The following ZNF385D variants were observed in gnomAD, a reference collection of about 807,000 sequenced individuals.
ZNF385D encodes the protein zinc finger protein 385D.
Under a neutral mutation model 35.8 loss-of-function variants are expected in ZNF385D, and 15 were observed. That is an observed-to-expected ratio of 0.42 (90% CI 0.28 to 0.64). ZNF385D has a LOEUF of 0.64. ZNF385D is among the 30% of genes least tolerant of loss of function. The pLI is 0.23. For missense variants in ZNF385D, 474 were observed against 494.6 expected, an observed-to-expected ratio of 0.96 and a Z score of 0.39; for synonymous variants, 212 against 186.8, an observed-to-expected ratio of 1.13 and a Z score of -1.10.
chr3:21,987,541 G>A (rs199621937), intron 3 of ZNF385D, among the ~76,000 whole-genome samples: 8,428 of 123,400 alleles, frequency 0.068, 249 homozygotes, highest in South Asian at 0.14. Flanking sequence ...GAGATCCACT[G>A]TTAGTCTGAT....
intron 2 of ZNF385D, among the ~76,000 whole-genome samples, chr3:22,271,385 A>C (rs886918650): frequency 6.6e-6 from 1 of 152,052 alleles, no homozygotes; most frequent in Non-Finnish European, 1.5e-5. Context: ...GTTGTCTAAT[A>C]CAAGATTTTT....
chr3:22,131,028 G>C lies in ZNF385D; in HGVS notation c.325+37789C>G, dbSNP rs572175956. ...GAGAATCATGCATGCTTAGAGAACA[G>C]TTAAATTTATGACATTCGGAGAAAA... is the stretch of plus-strand genomic sequence containing the variant. On this transcript the variant is annotated intron_variant, in intron 3 of 5. Coordinates refer to the ZNF385D transcript ENST00000494108. Among the ~76,000 whole-genome samples, 13 of 152,282 alleles carry C rather than the reference G, an allele frequency of 8.5e-5. No homozygotes were observed. In the South Asian group the frequency reaches 2.3e-3, roughly 27 times the overall value.
chr3:22,210,719 T>A (rs952915351), intron 2 of ZNF385D, among the ~76,000 whole-genome samples: 10 of 151,848 alleles, frequency 6.6e-5, no homozygotes, highest in Non-Finnish European at 1.3e-4. Context: ...ATCTCTCACC[T>A]ACTAGCAAAC....
At chr3:22,207,229 G>A (rs1431925671) in intron 2 of ZNF385D, among the ~76,000 whole-genome samples, 1 of 151,822 alleles carries the variant, frequency 6.6e-6, no homozygotes, top group Admixed American at 6.6e-5. Context: ...CATAAAAATA[G>A]ACACACAGAC....
At chr3:22,129,405 C>T (rs1295618123) in intron 3 of ZNF385D, among the ~76,000 whole-genome samples, 1 of 152,148 alleles carries the variant, frequency 6.6e-6, no homozygotes, top group Non-Finnish European at 1.5e-5. Context: ...TAAGTCTTTT[C>T]CTTCAGTGCA....
intron 3 of ZNF385D, among the ~76,000 whole-genome samples, chr3:22,143,211 T>G (rs949593776): frequency 1.3e-5 from 2 of 151,614 alleles, no homozygotes; most frequent in Admixed American, 1.3e-4. Flanking sequence ...GCCTCCGGAG[T>G]AGCAGCGACT....
intron 3 of ZNF385D, among the ~76,000 whole-genome samples, chr3:21,964,388 T>A (rs1470481683): frequency 8.2e-6 from 1 of 121,520 alleles, no homozygotes; most frequent in African/African-American, 3.1e-5. Flanking sequence ...TTGTAACTAC[T>A]GGCTCTACAG....
intron 3 of ZNF385D, among the ~76,000 whole-genome samples, chr3:22,044,983 A>T (rs984195482): frequency 6.6e-6 from 1 of 152,154 alleles, no homozygotes; most frequent in African/African-American, 2.4e-5. Context: ...ACTGCCCTCC[A>T]GCCTGGGCAA....
chr3:21,882,900 G>A (rs75430462), intron 3 of ZNF385D, among the ~76,000 whole-genome samples: 5,649 of 151,876 alleles, frequency 0.037, 132 homozygotes, highest in Middle Eastern at 0.062. Flanking sequence ...TTTAGATGAA[G>A]GTAAAAAGCA....
chr3:21,903,258 G>A (rs994459812), intron 3 of ZNF385D, among the ~76,000 whole-genome samples: 2 of 152,128 alleles, frequency 1.3e-5, no homozygotes, highest in Admixed American at 6.6e-5. Flanking sequence ...ATTTCAGGAG[G>A]CATTTCCTTC....
intron 2 of ZNF385D, among the ~76,000 whole-genome samples, chr3:21,651,085 A>G (rs908450426): frequency 6.6e-6 from 1 of 150,382 alleles, no homozygotes; most frequent in Non-Finnish European, 1.5e-5. Flanking sequence ...CGAGACCATC[A>G]TGGCTAACAC....
At chr3:21,529,628 C>T (rs987646513) in intron 3 of ZNF385D, among the ~76,000 whole-genome samples, 4 of 152,036 alleles carry the variant, frequency 2.6e-5, no homozygotes, top group African/African-American at 9.7e-5. Flanking sequence ...GAAACATTGC[C>T]TTGCAGTAGG....
chr3:22,025,002 G>A (rs1697448286), intron 3 of ZNF385D, among the ~76,000 whole-genome samples: 1 of 152,160 alleles, frequency 6.6e-6, no homozygotes, highest in Admixed American at 6.5e-5. Context: ...AAAGATGCGT[G>A]CGCAGCCTCA....
intron 2 of ZNF385D, among the ~76,000 whole-genome samples, chr3:21,638,808 T>C (rs947841996): frequency 2.6e-5 from 4 of 152,124 alleles, no homozygotes; most frequent in African/African-American, 7.2e-5. Context: ...GGAAGACCTA[T>C]AGTGAAATAT....
intron 3 of ZNF385D, among the ~76,000 whole-genome samples, chr3:21,798,965 T>C (rs1461847096): frequency 6.6e-6 from 1 of 152,136 alleles, no homozygotes; most frequent in Non-Finnish European, 1.5e-5. Flanking sequence ...CTCCATTACC[T>C]CTCCCTTTGG....
At chr3:22,288,669 A>G (rs1702146021) in intron 2 of ZNF385D, among the ~76,000 whole-genome samples, 1 of 152,084 alleles carries the variant, frequency 6.6e-6, no homozygotes, top group Non-Finnish European at 1.5e-5. Flanking sequence ...TTTTTATGAC[A>G]GTTCTTTTGA....
intron 2 of ZNF385D, among the ~76,000 whole-genome samples, chr3:22,176,044 T>C (rs1475157339): frequency 6.7e-6 from 1 of 148,178 alleles, no homozygotes; most frequent in African/African-American, 2.6e-5. Context: ...ATTATAAAAA[T>C]AATTTTGCTT....
chr3:21,646,144 CTA>C lies in ZNF385D; in HGVS notation c.165+18740_165+18741del, dbSNP rs2065746868. Among the ~76,000 whole-genome samples, 1 of 152,002 alleles carries C rather than the reference CTA, an allele frequency of 6.6e-6. No individual in the cohort carries two copies. On this transcript the variant is annotated intron_variant, in intron 2 of 7. Transcript: ENST00000281523. This position sits in a 1 kb window ranked among gnomAD's most constrained non-coding sequence, Gnocchi z 4.3. ...AAAACCTCAGGGAAATTTTTAAAAA[CTA>C]TTTTTCATTTTAAAAGTTAAGGAAG...
chr3:22,369,497 G>A (rs896743338), intron 2 of ZNF385D, among the ~76,000 whole-genome samples: 1 of 151,856 alleles, frequency 6.6e-6, no homozygotes, highest in Non-Finnish European at 1.5e-5. Context: ...AACTCTCTAG[G>A]CAAGTTATTA....
Sources: gnomAD v4.1 joint callset for allele counts (sites outside exome capture counted in the v4.1 genomes callset) on GRCh38, gnomAD v4.1.1 for gene constraint, Gnocchi (gnomAD v3.1) non-coding constraint, MANE v1.5 for transcripts, NCBI Gene and HGNC (gene_info 2026-07-23, HGNC 2026-07-21) for gene names.